Variants in SPIDR observed in about 807,000 individuals in gnomAD.
SPIDR encodes the protein DNA repair-scaffolding protein.
A neutral mutation model predicts 104.6 loss-of-function variants in SPIDR; 93 were observed. That is an observed-to-expected ratio of 0.89 (90% CI 0.75 to 1.06). The LOEUF (loss-of-function observed/expected upper bound fraction) is 1.06, where lower values mean the gene tolerates loss of function less well. SPIDR is among the 50% of genes least tolerant of loss of function. SPIDR has a pLI of 0.00. For missense variants in SPIDR, 1,154 were observed against 1,111.2 expected, an observed-to-expected ratio of 1.04 and a Z score of -0.55; for synonymous variants, 431 against 416.9, an observed-to-expected ratio of 1.03 and a Z score of -0.41.
At chr8:47,627,774 C>T (rs1349779424) in intron 10 of SPIDR, among the ~76,000 whole-genome samples, 1 of 152,168 alleles carries the variant, frequency 6.6e-6, no homozygotes, top group Non-Finnish European at 1.5e-5. Context: ...CCAGACCCGC[C>T]GGTTCATTCA....
At chr8:47,362,259 A>G (rs1263854229) in intron 5 of SPIDR, among the ~76,000 whole-genome samples, 6 of 152,254 alleles carry the variant, frequency 3.9e-5, no homozygotes. Context: ...TAGTGCTGAC[A>G]GAATCCATTG....
chr8:47,500,413 A>G lies in SPIDR; in HGVS notation c.1097+59871A>G, dbSNP rs1349768704. Among the ~76,000 whole-genome samples, 6 of 152,164 alleles carry G rather than the reference A, an allele frequency of 3.9e-5. No individual in the cohort carries two copies. The South Asian group carries it at 1.0e-3, about 26-fold the overall frequency. On this transcript the variant is annotated intron_variant, in intron 8 of 19. Coordinates refer to ENST00000297423, the MANE Select transcript of SPIDR (RefSeq NM_001080394.4). ...GGCCAGTGATGATGAGCATTTTTTC[A>G]TGTGTCTTTTGGCTGCATAAATGTC...
intron 14 of SPIDR, among the ~76,000 whole-genome samples, chr8:47,705,777 G>C (rs762602279): frequency 1.8e-4 from 27 of 152,094 alleles, no homozygotes; most frequent in Non-Finnish European, 3.2e-4. Flanking sequence ...GGTGCTGCAT[G>C]CCTATCATCT....
intron 5 of SPIDR, among the ~76,000 whole-genome samples, chr8:47,345,006 C>T (rs1192603981): frequency 1.3e-5 from 2 of 152,154 alleles, no homozygotes; most frequent in Admixed American, 6.5e-5. Flanking sequence ...GTTGCCATTG[C>T]TTTTGGTGTT....
chr8:47,363,807 A>G (rs1554632302), intron 5 of SPIDR, among the ~76,000 whole-genome samples: 1 of 150,970 alleles, frequency 6.6e-6, no homozygotes, highest in Non-Finnish European at 1.5e-5. Context: ...GCCAGCTACC[A>G]GAGTGGTATC....
intron 8 of SPIDR, among the ~76,000 whole-genome samples, chr8:47,471,014 T>C (rs985850756): frequency 2.0e-5 from 3 of 152,110 alleles, no homozygotes; most frequent in Non-Finnish European, 4.4e-5. Context: ...GATTACAGGC[T>C]TGAGCCACCA....
chr8:47,486,811 G>GC (rs1554731678), intron 8 of SPIDR, among the ~76,000 whole-genome samples: 3 of 152,180 alleles, frequency 2.0e-5, no homozygotes, highest in Non-Finnish European at 4.4e-5. Flanking sequence ...GAGAGATTTT[G>GC]TCACCACCAG....
At chr8:47,594,839 T>TA (rs554615050) in intron 8 of SPIDR, among the ~76,000 whole-genome samples, 33 of 150,462 alleles carry the variant, frequency 2.2e-4, no homozygotes, top group African/African-American at 6.3e-4. Context: ...ACTAAAAAAC[T>TA]AAAAAAAAAT....
chr8:47,439,517 G>T (rs1229355817), intron 7 of SPIDR, among the ~76,000 whole-genome samples: 3 of 152,110 alleles, frequency 2.0e-5, no homozygotes, highest in African/African-American at 7.2e-5. Context: ...TCTGATTTAT[G>T]CTGGGTGCAG....
chr8:47,268,587 T>C (rs2034580193), intron 1 of SPIDR, among the ~76,000 whole-genome samples: 1 of 152,176 alleles, frequency 6.6e-6, no homozygotes, highest in Non-Finnish European at 1.5e-5. Context: ...TTGAATGCAG[T>C]TCTACTGGCA....
At chr8:47,321,227 A>G (rs1425797298) in intron 5 of SPIDR, among the ~76,000 whole-genome samples, 9 of 152,232 alleles carry the variant, frequency 5.9e-5, no homozygotes, top group Admixed American at 4.6e-4. Context: ...CCTTAAGCTG[A>G]TAGGCAACTT....
chr8:47,588,130 A>T (rs1302009284), intron 8 of SPIDR, among the ~76,000 whole-genome samples: 1 of 120,474 alleles, frequency 8.3e-6, no homozygotes, highest in African/African-American at 3.1e-5. Flanking sequence ...AATTGATGGG[A>T]ATTTCTTTAA....
intron 8 of SPIDR, among the ~76,000 whole-genome samples, chr8:47,451,791 G>A (rs1386213569): frequency 6.6e-6 from 1 of 152,156 alleles, no homozygotes; most frequent in Non-Finnish European, 1.5e-5. Context: ...AAGGAGAAGA[G>A]AAGAGAGGGA....
chr8:47,550,430 C>G (rs2154396819), intron 8 of SPIDR, among the ~76,000 whole-genome samples: 1 of 152,244 alleles, frequency 6.6e-6, no homozygotes, highest in African/African-American at 2.4e-5. Context: ...TTTGTGTCCT[C>G]TTTTATTTCA....
intron 5 of SPIDR, among the ~76,000 whole-genome samples, chr8:47,391,082 G>A (rs1295753952): frequency 6.6e-6 from 1 of 152,142 alleles, no homozygotes; most frequent in Non-Finnish European, 1.5e-5. Flanking sequence ...GACAGCTGGT[G>A]TCCGGTGAGC....
intron 11 of SPIDR, among the ~76,000 whole-genome samples, chr8:47,693,380 T>C (rs1167232703): frequency 6.6e-6 from 1 of 152,190 alleles, no homozygotes; most frequent in Non-Finnish European, 1.5e-5. Flanking sequence ...ACAGAAGAAA[T>C]CAGGGCTCAT....
At chr8:47,414,625 A>G (rs1554673983) in intron 7 of SPIDR, among the ~76,000 whole-genome samples, 1 of 152,074 alleles carries the variant, frequency 6.6e-6, no homozygotes, top group Non-Finnish European at 1.5e-5. Flanking sequence ...TTGTCTGTAT[A>G]TTTATTCAAG....
rs376117312 is a variant in SPIDR, at chr8:47,577,509, A to G, written c.1098-18302A>G. Among the ~76,000 whole-genome samples the G allele has an allele frequency of 3.5e-4, 53 of 152,320 alleles. No individual in the cohort carries two copies. In the East Asian group the frequency reaches 6.4e-3, roughly 18 times the overall value. On this transcript the variant is annotated intron_variant, in intron 8 of 19. Coordinates refer to ENST00000297423, the MANE Select transcript of SPIDR (RefSeq NM_001080394.4). ...TCCACTTGTACACAGATTTTTTTCA[A>G]TAAATAAAGGTGGCCCACCGTATTG...
intron 7 of SPIDR, among the ~76,000 whole-genome samples, chr8:47,424,597 C>T (rs1339597955): frequency 9.9e-5 from 15 of 152,252 alleles, no homozygotes; most frequent in South Asian, 4.1e-4. Context: ...GAATTACAGG[C>T]GTTAGCCACC....
Sources: allele counts gnomAD v4.1 joint callset (sites outside exome capture counted in the v4.1 genomes callset), GRCh38; gene constraint gnomAD v4.1.1; transcripts MANE v1.5; gene names NCBI Gene and HGNC (gene_info 2026-07-23, HGNC 2026-07-21).